Variants in FILIP1L observed in about 807,000 individuals in gnomAD.
FILIP1L encodes filamin A-interacting protein 1-like.
FILIP1L carries 55 observed loss-of-function variants against 96.6 expected under a neutral mutation model. The observed-to-expected ratio is 0.57, with a 90% confidence interval of 0.46 to 0.71. FILIP1L has a LOEUF of 0.71. FILIP1L is among the 30% of genes least tolerant of loss of function. The probability of loss-of-function intolerance (pLI) is 0.00; values close to 1 mark genes in which losing one functional copy is unlikely to be tolerated. For synonymous variants in FILIP1L, 467 were observed against 473.9 expected, an observed-to-expected ratio of 0.99 and a Z score of 0.19; for missense variants, 1,304 against 1,321.2, an observed-to-expected ratio of 0.99 and a Z score of 0.20.
chr3:99,941,249 T>G (rs1043988992), intron 1 of FILIP1L, among the ~76,000 whole-genome samples: 2 of 152,132 alleles, frequency 1.3e-5, no homozygotes, highest in Non-Finnish European at 2.9e-5. Flanking sequence ...ATGAAAAAAC[T>G]GAAGTGTTAT....
chr3:100,065,439 G>A (rs1483236988), intron 1 of FILIP1L, among the ~76,000 whole-genome samples: 1 of 152,168 alleles, frequency 6.6e-6, no homozygotes, highest in Non-Finnish European at 1.5e-5. Flanking sequence ...CATTATGGCA[G>A]TCTAGATTCA....
Position 99,848,680 on chromosome 3 carries a change from A to C in FILIP1L, c.2996T>G (p.Met999Arg). The C allele has an allele frequency of 6.2e-7, 1 of 1,614,148 alleles. No homozygotes were observed. Among genetic ancestry groups the C allele is most frequent in the Non-Finnish European group, 8.5e-7 (1 of 1,180,020 alleles). ...CACAGCCAAAACCTGAATAGGGGAC[A>C]TTGTCCTTTCTGGAGTTAGAGAACC... is the stretch of plus-strand genomic sequence containing the variant. ...SCGSLTPERTMSPIQVLAVTG... is the reference protein window; with the variant it reads ...SCGSLTPERTRSPIQVLAVTG... Residue 999 changes from methionine to arginine, a missense_variant, in exon 5 of 6, where the codon ATG (methionine) becomes AGG (arginine). Coordinates refer to ENST00000477258, the MANE Select transcript of FILIP1L (RefSeq NM_001387850.1).
At chr3:99,938,933 T>C (rs1178503341) in intron 1 of FILIP1L, among the ~76,000 whole-genome samples, 1 of 152,186 alleles carries the variant, frequency 6.6e-6, no homozygotes, top group African/African-American at 2.4e-5. Flanking sequence ...AAAAAGACAA[T>C]TGAAAACAAG....
intron 4 of FILIP1L, among the ~76,000 whole-genome samples, chr3:99,886,564 G>A (rs1011912704): frequency 2.6e-5 from 4 of 151,686 alleles, no homozygotes; most frequent in Non-Finnish European, 4.4e-5. Flanking sequence ...CCCAGATTTT[G>A]GGGGGGTAGA....
intron 4 of FILIP1L, among the ~76,000 whole-genome samples, chr3:99,910,615 C>G (rs1221253591): frequency 7.4e-6 from 1 of 135,726 alleles, no homozygotes; most frequent in African/African-American, 2.5e-5. Context: ...AGCCCTTAGG[C>G]TGAAAAAAAG....
intron 1 of FILIP1L, among the ~76,000 whole-genome samples, chr3:99,958,652 G>T (rs1441682811): frequency 6.6e-6 from 1 of 152,122 alleles, no homozygotes; most frequent in Non-Finnish European, 1.5e-5. Context: ...TGGTACTCTT[G>T]CAGGAGAAGA....
intron 1 of FILIP1L, among the ~76,000 whole-genome samples, chr3:99,975,639 A>G (rs1708947931): frequency 6.6e-6 from 1 of 152,160 alleles, no homozygotes; most frequent in African/African-American, 2.4e-5. Context: ...GAAAAAGAGA[A>G]ACTAGGGTAA....
At chr3:100,093,357 T>C (rs982352141) in intron 1 of FILIP1L, among the ~76,000 whole-genome samples, 3 of 152,200 alleles carry the variant, frequency 2.0e-5, no homozygotes, top group Admixed American at 1.3e-4. Context: ...GTCACTGATA[T>C]ACTACCACCT....
intron 1 of FILIP1L, among the ~76,000 whole-genome samples, chr3:99,978,063 A>C (rs137907831): frequency 6.6e-6 from 1 of 152,232 alleles, no homozygotes; most frequent in African/African-American, 2.4e-5. Flanking sequence ...ACAAGCAATG[A>C]ACGTTTCAAA....
At chr3:100,014,887 C>CTTTTTTTTTTTTTTTTTTTTTTTTTT (rs1559725867) in intron 1 of FILIP1L, among the ~76,000 whole-genome samples, 2 of 32,462 alleles carry the variant, frequency 6.2e-5, no homozygotes, top group Non-Finnish European at 1.2e-4. Context: ...TTTTTTTTTT[C>CTTTTTTTTTTTTTTTTTTTTTTTTTT]TTTCTTTCTT....
At chr3:99,988,526 A>AG (rs1390564205) in intron 1 of FILIP1L, among the ~76,000 whole-genome samples, 4 of 143,932 alleles carry the variant, frequency 2.8e-5, no homozygotes, top group Middle Eastern at 3.6e-3. Context: ...AAAAAAAAAA[A>AG]AAAAGAAAGA....
At chr3:99,869,391 C>T (rs1308576932) in intron 4 of FILIP1L, among the ~76,000 whole-genome samples, 2 of 152,122 alleles carry the variant, frequency 1.3e-5, no homozygotes, top group Admixed American at 6.5e-5. Flanking sequence ...ATTTGAAAGC[C>T]TCAAGAATAA....
At chr3:100,061,161 A>G (rs2065558872) in intron 1 of FILIP1L, among the ~76,000 whole-genome samples, 1 of 152,234 alleles carries the variant, frequency 6.6e-6, no homozygotes, top group Admixed American at 6.5e-5. Flanking sequence ...AAATTTTAAA[A>G]GGAAGGAAGG....
At chr3:100,094,166 A>AT (rs2066162116) in intron 1 of FILIP1L, among the ~76,000 whole-genome samples, 1 of 152,076 alleles carries the variant, frequency 6.6e-6, no homozygotes, top group African/African-American at 2.4e-5. Context: ...TTTCATTTGC[A>AT]TTTCCCTAGC....
At chr3:99,840,084 A>G (rs1013327328) in intron 5 of FILIP1L, among the ~76,000 whole-genome samples, 5 of 152,184 alleles carry the variant, frequency 3.3e-5, no homozygotes, top group African/African-American at 7.2e-5. Context: ...CCTAAACATT[A>G]TACAGTGCAT....
In FILIP1L at chr3:99,848,839, A is replaced by G; in HGVS notation, c.2837T>C (p.Ile946Thr). 6.2e-7 allele frequency: 1 copy of G among 1,614,080 alleles called. No homozygotes were observed. The highest frequency in any genetic ancestry group is 1.1e-5 in the South Asian group (1 of 91,076). ...TATGGAGGCGTTTTGGAGGATGGTT[A>G]TCCTTTGCTTTGGCGTGCCACAGTT... ...IPNCGTPKQR[I>T]TILQNASITP... Residue 946 changes from isoleucine to threonine, a missense_variant, in exon 5 of 6, where the codon ATA becomes ACA. By Grantham distance (89) the Ile-to-Thr change is moderately conservative (BLOSUM62 -1). Transcript: ENST00000477258.
At chr3:99,951,194 A>G (rs1182839285) in intron 1 of FILIP1L, among the ~76,000 whole-genome samples, 1 of 152,176 alleles carries the variant, frequency 6.6e-6, no homozygotes, top group African/African-American at 2.4e-5. Context: ...CTTAGCCTTC[A>G]GCCCTCAGCT....
chr3:99,883,518 G>A (rs184407585), intron 4 of FILIP1L, among the ~76,000 whole-genome samples: 86 of 152,250 alleles, frequency 5.6e-4, no homozygotes, highest in African/African-American at 1.8e-3. Context: ...GTGAATGTGT[G>A]TGTTGGCTGG....
At chr3:99,904,021 G>T (rs141627080) in intron 4 of FILIP1L, among the ~76,000 whole-genome samples, 3 of 152,178 alleles carry the variant, frequency 2.0e-5, no homozygotes, top group Non-Finnish European at 4.4e-5. Context: ...GTTGAGATAT[G>T]CATCTTGTTT....
Sources: gnomAD v4.1 joint callset for allele counts (sites outside exome capture counted in the v4.1 genomes callset) on GRCh38, gnomAD v4.1.1 for gene constraint, MANE v1.5 for transcripts, NCBI Gene and HGNC (gene_info 2026-07-23, HGNC 2026-07-21) for gene names.